The following SAXO1 variants were observed in gnomAD, a reference collection of about 807,000 sequenced individuals.
The protein encoded by SAXO1 is stabilizer of axonemal microtubules 1.
In SAXO1, 21 loss-of-function variants were observed where a neutral mutation model predicts 17.5. The ratio of observed to expected loss-of-function variants is 1.20; its 90% CI spans 0.85 to 1.72. SAXO1 has a LOEUF of 1.72. Ranked by LOEUF, SAXO1 falls within the 40% of genes most tolerant of loss-of-function variation. The pLI, the probability that SAXO1 is intolerant of heterozygous loss-of-function variation, is 0.00. For missense variants in SAXO1, 843 were observed against 596.0 expected (o/e 1.41, Z -4.32); for synonymous variants, 274 against 216.5 (o/e 1.27, Z -2.33).
At chr9:19,031,274 G>A (rs567210662) in intron 1 of SAXO1, among the ~76,000 whole-genome samples, 6 of 152,342 alleles carry the variant, frequency 3.9e-5, no homozygotes, top group African/African-American at 1.4e-4. Context: ...AAGCATCCCA[G>A]TAGAAAGAAG....
intron 1 of SAXO1, among the ~76,000 whole-genome samples, chr9:18,962,049 T>A (rs187181001): frequency 6.6e-6 from 1 of 152,054 alleles, no homozygotes; most frequent in South Asian, 2.1e-4. Context: ...TCTCATTGTG[T>A]GTGTACGGTT....
intron 1 of SAXO1, among the ~76,000 whole-genome samples, chr9:18,991,867 C>T (rs1384082194): frequency 6.6e-6 from 1 of 152,154 alleles, no homozygotes; most frequent in Non-Finnish European, 1.5e-5. Flanking sequence ...TGCTGCTTTA[C>T]ACTAAGATTT....
At chr9:19,001,663 CAA>C (rs78327852) in intron 1 of SAXO1, among the ~76,000 whole-genome samples, 31 of 130,654 alleles carry the variant, frequency 2.4e-4, no homozygotes, top group South Asian at 2.4e-4. Context: ...AAGACTCCGT[CAA>C]AAAAAAAAAA....
chr9:18,998,250 C>G (rs916263394), intron 1 of SAXO1, among the ~76,000 whole-genome samples: 3 of 151,956 alleles, frequency 2.0e-5, no homozygotes, highest in Admixed American at 6.6e-5. Context: ...CTAGAATAAC[C>G]TATGTAGAGA....
At chr9:18,937,598 G>A (rs1831356939) in intron 3 of SAXO1, among the ~76,000 whole-genome samples, 1 of 152,116 alleles carries the variant, frequency 6.6e-6, no homozygotes. Context: ...TGGGAGGTGA[G>A]GCCTTTTGGG....
chr9:19,023,949 G>C (rs1406039227), intron 1 of SAXO1, among the ~76,000 whole-genome samples: 1 of 145,472 alleles, frequency 6.9e-6, no homozygotes, highest in Non-Finnish European at 1.5e-5. Flanking sequence ...GACTAACCTA[G>C]GCAACATAGT....
rs188177138 is a variant in SAXO1 at position 18,927,866 on chromosome 9, C to A, written c.*186G>T. On this transcript the variant is annotated 3_prime_UTR_variant, in exon 4 of 4. Coordinates refer to ENST00000380534, the MANE Select transcript of SAXO1 (RefSeq NM_153707.4). ...GAGAAGGTAAGGGGAGTTAATTAGC[C>A]GGTGATTAAATGTCATTTTCCCTGA... The A allele has an allele frequency of 3.0e-5, 18 of 592,376 alleles. No individual in the cohort carries two copies. The highest frequency in any genetic ancestry group is 4.5e-5 in the Non-Finnish European group (16 of 359,014). The allele number at this position is 592,376 out of a possible 1,614,324, so 36.7% of individuals were successfully genotyped here. A position where few individuals can be genotyped will look rare whatever the true frequency, so the allele number is the denominator to read the frequency against.
intron 1 of SAXO1, among the ~76,000 whole-genome samples, chr9:18,990,350 A>G (rs1465306187): frequency 2.0e-5 from 3 of 152,178 alleles, no homozygotes; most frequent in Non-Finnish European, 2.9e-5. Flanking sequence ...CAATGGGACA[A>G]TTTTACAGAT....
intron 1 of SAXO1, among the ~76,000 whole-genome samples, chr9:19,014,403 G>A (rs906954965): frequency 7.1e-6 from 1 of 141,504 alleles, no homozygotes; most frequent in Non-Finnish European, 1.5e-5. Context: ...CAAGGTTGCA[G>A]TTAGCTGAGA....
intron 3 of SAXO1, among the ~76,000 whole-genome samples, chr9:18,937,774 C>T (rs996525874): frequency 1.3e-5 from 2 of 152,144 alleles, no homozygotes; most frequent in African/African-American, 4.8e-5. Context: ...CACTGGACAC[C>T]AAACCTATCA....
chr9:18,947,078 T>C (rs556576628), intron 2 of SAXO1, among the ~76,000 whole-genome samples: 11 of 152,298 alleles, frequency 7.2e-5, no homozygotes, highest in African/African-American at 2.4e-4. Context: ...GTATAGACAA[T>C]TCAAAGGCTC....
At chr9:18,983,182 G>A (rs1833467079) in intron 1 of SAXO1, among the ~76,000 whole-genome samples, 1 of 152,180 alleles carries the variant, frequency 6.6e-6, no homozygotes, top group South Asian at 2.1e-4. Context: ...AACTAGAGAG[G>A]TTTAATTGAC....
intron 1 of SAXO1, among the ~76,000 whole-genome samples, chr9:19,015,472 T>G (rs1457549469): frequency 6.6e-6 from 1 of 152,162 alleles, no homozygotes; most frequent in East Asian, 1.9e-4. Context: ...ACTTCCCAAG[T>G]AGCTGGGATT....
At chr9:19,028,075 A>C in intron 1 of SAXO1, 1 of 1,611,984 alleles carries the variant, frequency 6.2e-7, no homozygotes. Flanking sequence ...CGAGGACTAC[A>C]TGGAAGGCAT....
intron 1 of SAXO1, among the ~76,000 whole-genome samples, chr9:19,015,242 C>A (rs769237587): frequency 3.3e-5 from 5 of 152,162 alleles, no homozygotes; most frequent in Admixed American, 1.3e-4. Flanking sequence ...CATGGCTTAC[C>A]GCAGCCTCAA....
chr9:18,999,717 C>T (rs1367487340), intron 1 of SAXO1, among the ~76,000 whole-genome samples: 3 of 148,476 alleles, frequency 2.0e-5, no homozygotes, highest in Non-Finnish European at 4.5e-5. Context: ...GTGAGGAGCA[C>T]CTCTGCCCAG....
At chr9:18,972,429 A>T (rs73645547) in intron 1 of SAXO1, among the ~76,000 whole-genome samples, 21,461 of 152,152 alleles carry the variant, frequency 0.14, 2,928 homozygotes, top group African/African-American at 0.36. Context: ...GTGCACCAAT[A>T]CATTTGTACA....
chr9:19,027,223 C>G (rs1304148514), intron 1 of SAXO1: 2 of 1,184,362 alleles, frequency 1.7e-6, no homozygotes, highest in African/African-American at 3.0e-5. Context: ...ATCAAAACCT[C>G]TACACGACAG....
chr9:18,936,371 C>T (rs2131683917), intron 3 of SAXO1, among the ~76,000 whole-genome samples: 1 of 152,232 alleles, frequency 6.6e-6, no homozygotes, highest in South Asian at 2.1e-4. Flanking sequence ...ACCCCGGCCC[C>T]CAGACTCCTG....
Sources: allele counts gnomAD v4.1 joint callset (sites outside exome capture counted in the v4.1 genomes callset), GRCh38; gene constraint gnomAD v4.1.1; transcripts MANE v1.5; gene names NCBI Gene and HGNC (gene_info 2026-07-23, HGNC 2026-07-21).